The following TMEM26 variants were observed in gnomAD, a reference collection of about 807,000 sequenced individuals.
TMEM26 encodes transmembrane protein 26.
TMEM26 carries 38 observed loss-of-function variants against 28.8 expected under a neutral mutation model. The ratio of observed to expected loss-of-function variants is 1.32; its 90% CI spans 1.02 to 1.73. TMEM26 has a LOEUF of 1.73. TMEM26 is among the 40% of genes most tolerant of loss of function. The pLI is 0.00. For synonymous variants in TMEM26, 227 were observed against 182.9 expected (o/e 1.24, Z -1.95); for missense variants, 518 against 447.1 (o/e 1.16, Z -1.43).
At chr10:61,424,781 G>A (rs72825284) in intron 4 of TMEM26, among the ~76,000 whole-genome samples, 30,987 of 151,990 alleles carry the variant, frequency 0.2, 3,429 homozygotes, top group Middle Eastern at 0.31. Flanking sequence ...TCTGTGATCC[G>A]CTGATTTTTG....
chr10:61,432,775 ACT>A (rs1207210008), intron 2 of TMEM26, among the ~76,000 whole-genome samples: 1 of 152,136 alleles, frequency 6.6e-6, no homozygotes, highest in Admixed American at 6.6e-5. Context: ...TGTTTTTTCT[ACT>A]CTCTTTCCAA....
At chr10:61,417,123 A>T (rs1300385257) in intron 4 of TMEM26, among the ~76,000 whole-genome samples, 5 of 152,036 alleles carry the variant, frequency 3.3e-5, no homozygotes. Flanking sequence ...AATGGCAAAC[A>T]CTCAAGATCT....
rs1342606616 is a variant in TMEM26 at position 61,410,321 on chromosome 10, AC to A, written c.1107del (p.Ter369TyrfsTer3). 1 of 1,606,522 alleles carries A rather than the reference AC, an allele frequency of 6.2e-7. No individual in the cohort carries two copies. Among genetic ancestry groups the A allele is most frequent in the African/African-American group, 1.3e-5 (1 of 74,930 alleles). On this transcript the variant is annotated frameshift_variant and stop_lost, in exon 6 of 6. Transcript: ENST00000399298. LOFTEE classifies it high-confidence loss of function. ...AGCCGCAGACCACTGTCAATCAATA[AC>A]TAAGGGGTGTGGTGGGAGTCGTCGG... ...VTSDDSHHTP[*>X]
At chr10:61,445,579 G>A (rs879487048) in intron 1 of TMEM26, among the ~76,000 whole-genome samples, 16 of 151,708 alleles carry the variant, frequency 1.1e-4, no homozygotes, top group Non-Finnish European at 2.2e-4. Context: ...CAAAATTGGC[G>A]TTCACCCTGG....
At position 61,410,269 on chromosome 10, in the gene TMEM26, G is replaced by C. The variant is rs534126378; in HGVS notation, c.*53C>G. Reference sequence around the variant, plus strand: ...TTGGAGGAGAAAAAGGATCCTCCCTGTAAGAAGAACCAGGGAGTCAGGTTC... The same window carrying C: ...TTGGAGGAGAAAAAGGATCCTCCCTCTAAGAAGAACCAGGGAGTCAGGTTC... On this transcript the variant is annotated 3_prime_UTR_variant, in exon 6 of 6. Coordinates refer to ENST00000399298, the MANE Select transcript of TMEM26 (RefSeq NM_178505.8). The C allele has an allele frequency of 6.6e-7, 1 of 1,524,896 alleles. No homozygotes were observed. Among genetic ancestry groups the C allele is most frequent in the East Asian group, 2.3e-5 (1 of 44,030 alleles). 94.5% of individuals were successfully genotyped at this position (1,524,896 alleles called of 1,614,324 possible).
In TMEM26 at chr10:61,410,333, G is replaced by A. The variant is rs753649829; in HGVS notation, c.1096C>T (p.His366Tyr). 3 of 1,610,806 alleles carry A rather than the reference G, an allele frequency of 1.9e-6. No individual in the cohort carries two copies. Among genetic ancestry groups the A allele is most frequent in the Middle Eastern group, 1.7e-4 (1 of 6,056 alleles). The change falls in exon 6 of 6, where the codon CAC (histidine) becomes TAC (tyrosine). Residue 366 changes from histidine to tyrosine, a missense_variant. Transcript: ENST00000399298. ...CTGTCAATCAATAACTAAGGGGTGTGGTGGGAGTCGTCGGAGGTGACTGGG... is the reference window on the plus strand; with the variant it reads ...CTGTCAATCAATAACTAAGGGGTGTAGTGGGAGTCGTCGGAGGTGACTGGG... ...GSPVTSDDSH[H>Y]TP
Position 61,453,338 on chromosome 10 carries a change from T to G in TMEM26, c.-257A>C, listed in dbSNP as rs1840327338. 1 of 456,346 alleles carries G rather than the reference T, an allele frequency of 2.2e-6. No individual in the cohort carries two copies. Among genetic ancestry groups the G allele is most frequent in the East Asian group, 3.5e-5 (1 of 28,534 alleles). 28.3% of individuals were successfully genotyped at this position (456,346 alleles called of 1,614,324 possible). A position where few individuals can be genotyped will look rare whatever the true frequency, so the allele number is the denominator to read the frequency against. ...AGACTGCTGGGTTTTCCAGGGAGTC[T>G]GGGGCTGCGCTGCCCTGTCTCCAGG... On this transcript the variant is annotated 5_prime_UTR_variant, in exon 1 of 6. Coordinates refer to ENST00000399298, the MANE Select transcript of TMEM26 (RefSeq NM_178505.8).
intron 2 of TMEM26, among the ~76,000 whole-genome samples, chr10:61,434,636 T>C (rs1839973290): frequency 1.3e-5 from 2 of 152,174 alleles, no homozygotes; most frequent in South Asian, 4.1e-4. Flanking sequence ...CAAAAACACT[T>C]TTGCTACAGA....
At chr10:61,416,734 A>G (rs1428223376) in intron 4 of TMEM26, among the ~76,000 whole-genome samples, 1 of 152,048 alleles carries the variant, frequency 6.6e-6, no homozygotes, top group Non-Finnish European at 1.5e-5. Context: ...TTCTTAGCAC[A>G]CAAAAAGTCA....
chr10:61,437,185 G>A (rs747072409), intron 1 of TMEM26, among the ~76,000 whole-genome samples: 1 of 152,050 alleles, frequency 6.6e-6, no homozygotes, highest in Non-Finnish European at 1.5e-5. Context: ...TTCTTATAAA[G>A]CCTCCAGTTT....
chr10:61,430,220 T>C (rs1019083286), intron 3 of TMEM26, among the ~76,000 whole-genome samples: 4 of 152,066 alleles, frequency 2.6e-5, no homozygotes, highest in Non-Finnish European at 4.4e-5. Flanking sequence ...TAAATTGTGA[T>C]TGGAGCTTGA....
chr10:61,451,689 T>A (rs894535190), intron 1 of TMEM26, among the ~76,000 whole-genome samples: 1 of 152,164 alleles, frequency 6.6e-6, no homozygotes, highest in Non-Finnish European at 1.5e-5. Flanking sequence ...GTAGTCACAT[T>A]CCCATCCTGG....
rs920919720 is a variant in TMEM26, at chr10:61,407,229, C to A, written c.*3093G>T. On this transcript the variant is annotated 3_prime_UTR_variant, in exon 6 of 6. Coordinates refer to ENST00000399298, the MANE Select transcript of TMEM26 (RefSeq NM_178505.8). The stretch of plus-strand genomic sequence containing the variant: ...AAGCATGTGCACCTACAAATGCATG[C>A]CTTTCCAGAGCTTTGGAAATGTTCA... The A allele has an allele frequency of 6.6e-6, 1 of 152,062 alleles. No individual in the cohort carries two copies. Among genetic ancestry groups the A allele is most frequent in the Admixed American group, 6.6e-5 (1 of 15,256 alleles). The allele number at this position is 152,062 out of a possible 1,614,324, so 9.4% of individuals were successfully genotyped here.
chr10:61,416,120 G>T (rs1000537721), intron 4 of TMEM26: 5 of 449,300 alleles, frequency 1.1e-5, no homozygotes, highest in African/African-American at 6.0e-5. Flanking sequence ...TTTTCCAACA[G>T]AGCCTGCAGA....
At chr10:61,440,096 C>A (rs954199174) in intron 1 of TMEM26, among the ~76,000 whole-genome samples, 2 of 151,976 alleles carry the variant, frequency 1.3e-5, no homozygotes, top group Non-Finnish European at 1.5e-5. Flanking sequence ...AAAAATTAGT[C>A]GGGCATGGTG....
At position 61,407,946 on chromosome 10, in the gene TMEM26, C is replaced by T. The variant is rs1374643730; in HGVS notation, c.*2376G>A. 4.6e-5 allele frequency: 7 copies of T among 152,162 alleles called. No homozygotes were observed. Among genetic ancestry groups the T allele is most frequent in the Non-Finnish European group, 1.0e-4 (7 of 68,024 alleles). The allele number at this position is 152,162 out of a possible 1,614,324, so 9.4% of individuals were successfully genotyped here. On this transcript the variant is annotated 3_prime_UTR_variant, in exon 6 of 6. Transcript: ENST00000399298. ...TAACAAACAGTTGGATGTTTTGAAA[C>T]ATTACAGTATTTAGCAGTCTACGCT...
At chr10:61,427,060 A>G (rs1309111150) in intron 4 of TMEM26, among the ~76,000 whole-genome samples, 2 of 152,110 alleles carry the variant, frequency 1.3e-5, no homozygotes, top group Non-Finnish European at 2.9e-5. Context: ...ATGTGGTAAT[A>G]TTAAAAATGA....
intron 1 of TMEM26, among the ~76,000 whole-genome samples, chr10:61,447,086 G>A (rs147967170): frequency 2.6e-5 from 4 of 152,280 alleles, no homozygotes; most frequent in African/African-American, 9.6e-5. Flanking sequence ...GAAGTGTGAA[G>A]AGGGAGAGAA....
Position 61,429,146 on chromosome 10 carries a change from C to G in TMEM26, c.385G>C (p.Ala129Pro). ...TSRADDLIET[A>P]KVFVNNLSTV... ...GATAAGTTATTCACAAAAACTTTGG[C>G]CTGTTTAACAGAAATGTCATACAGA... is the stretch of plus-strand genomic sequence containing the variant. The change falls in exon 4 of 6, where the codon GCC becomes CCC. Residue 129 changes from alanine (A) to proline (P), a missense_variant and splice_region_variant. Transcript: ENST00000399298. 1.2e-6 allele frequency: 2 copies of G among 1,611,654 alleles called. No individual in the cohort carries two copies. Among genetic ancestry groups the G allele is most frequent in the Non-Finnish European group, 1.7e-6 (2 of 1,178,862 alleles).
Sources: allele counts gnomAD v4.1 joint callset (sites outside exome capture counted in the v4.1 genomes callset), GRCh38; gene constraint gnomAD v4.1.1; transcripts MANE v1.5; gene names NCBI Gene and HGNC (gene_info 2026-07-23, HGNC 2026-07-21).